Variants in MAD1L1 observed in about 807,000 individuals in gnomAD.
MAD1L1 encodes the protein mitotic arrest deficient 1 like 1, also known as mitotic spindle assembly checkpoint protein MAD1.
Under a neutral mutation model 96.9 loss-of-function variants are expected in MAD1L1, and 95 were observed. That is an observed-to-expected ratio of 0.98 (90% confidence interval 0.83 to 1.16). MAD1L1 has a LOEUF of 1.16. Among genes scored for constraint, MAD1L1 ranks in the 50% most tolerant of loss-of-function variants. MAD1L1 has a pLI of 0.00. For missense variants in MAD1L1, 1,007 were observed against 954.4 expected, an observed-to-expected ratio of 1.06 and a Z score of -0.73; for synonymous variants, 473 against 396.6, an observed-to-expected ratio of 1.19 and a Z score of -2.29.
chr7:1,836,180 C>T (rs1562439909), intron 18 of MAD1L1, among the ~76,000 whole-genome samples: 1 of 152,140 alleles, frequency 6.6e-6, no homozygotes, highest in Non-Finnish European at 1.5e-5. Flanking sequence ...CACCACCGTG[C>T]CCGGCTAATT....
At chr7:1,898,501 C>T (rs1787038471) in intron 17 of MAD1L1, 111 bp from the exon 18 acceptor site, 9 of 837,582 alleles carry the variant, frequency 1.1e-5, no homozygotes, top group East Asian at 7.9e-5. Context: ...GTGGCGGCTG[C>T]CCAGGGACAC....
rs139291070 is a variant in MAD1L1, at chr7:2,015,323, C to T, written c.1219-681G>A. The stretch of plus-strand genomic sequence containing the variant: ...CACAGAGCTCCCAGGATGTCGGAGG[C>T]CACACGCAGATCCCTACAGAGCAGC... On this transcript the variant is annotated intron_variant, in intron 12 of 18. Coordinates refer to ENST00000265854, the MANE Select transcript of MAD1L1 (RefSeq NM_001013836.2). Among the ~76,000 whole-genome samples, 245 of 152,314 alleles carry T rather than the reference C, an allele frequency of 1.6e-3. 1 individual carries two copies. The highest frequency in any genetic ancestry group is 5.7e-3 in the African/African-American group (236 of 41,572).
chr7:2,017,578 A>G (rs1370585366), intron 12 of MAD1L1, among the ~76,000 whole-genome samples: 1 of 152,186 alleles, frequency 6.6e-6, no homozygotes, highest in Non-Finnish European at 1.5e-5. Flanking sequence ...GGGAGGCTGC[A>G]GGAAGGATCT....
At chr7:2,211,216 C>A (rs1584560089) in intron 10 of MAD1L1, among the ~76,000 whole-genome samples, 1 of 152,168 alleles carries the variant, frequency 6.6e-6, no homozygotes, top group African/African-American at 2.4e-5. Context: ...CAGGGCCTGG[C>A]CACCAGGGAG....
At chr7:1,954,806 G>A (rs1233607694) in intron 16 of MAD1L1, among the ~76,000 whole-genome samples, 4 of 152,190 alleles carry the variant, frequency 2.6e-5, no homozygotes, top group Admixed American at 6.5e-5. Context: ...GCCACCGTCC[G>A]TGGGTGCCCC....
intron 17 of MAD1L1, among the ~76,000 whole-genome samples, chr7:1,933,266 G>T (rs73290512): frequency 2.6e-5 from 4 of 152,142 alleles, no homozygotes; most frequent in African/African-American, 9.7e-5. Flanking sequence ...CGTCTGCCAC[G>T]GTTTTCCCCA....
intron 3 of MAD1L1, among the ~76,000 whole-genome samples, chr7:2,229,695 A>C (rs1794094564): frequency 6.6e-6 from 1 of 152,208 alleles, no homozygotes; most frequent in South Asian, 2.1e-4. Flanking sequence ...TGGCTTTCCG[A>C]TCCTGTCACC....
chr7:2,113,579 C>T (rs1468072904), intron 11 of MAD1L1, among the ~76,000 whole-genome samples: 1 of 151,846 alleles, frequency 6.6e-6, no homozygotes, highest in African/African-American at 2.4e-5. Flanking sequence ...GACTCTATCT[C>T]AAAAAAATAA....
chr7:1,863,612 G>A (rs937998195), intron 18 of MAD1L1, among the ~76,000 whole-genome samples: 2 of 152,204 alleles, frequency 1.3e-5, no homozygotes, highest in Admixed American at 6.5e-5. Flanking sequence ...TGCAGAGACC[G>A]TCACCTGCCC....
intron 10 of MAD1L1, among the ~76,000 whole-genome samples, chr7:2,171,996 A>G (rs1790730103): frequency 6.6e-6 from 1 of 152,134 alleles, no homozygotes. Context: ...CGGCAATGCA[A>G]CACTGCTGTG....
At chr7:2,148,695 A>G (rs1434145761) in intron 11 of MAD1L1, 1 of 163,020 alleles carries the variant, frequency 6.1e-6, no homozygotes, top group African/African-American at 2.4e-5. Flanking sequence ...AGCCCTTGGG[A>G]CTTCCTGAGT....
chr7:2,141,479 G>C (rs1373646356), intron 11 of MAD1L1, among the ~76,000 whole-genome samples: 14 of 152,312 alleles, frequency 9.2e-5, no homozygotes, highest in Non-Finnish European at 2.1e-4. Context: ...CCCGGCATTG[G>C]CAGGATGGGC....
chr7:1,907,743 G>C (rs145446256), intron 17 of MAD1L1, among the ~76,000 whole-genome samples: 5 of 152,248 alleles, frequency 3.3e-5, no homozygotes, highest in African/African-American at 1.2e-4. Flanking sequence ...GCAATAACGT[G>C]TTCCTCTTAA....
At chr7:1,857,365 C>T (rs1005022727) in intron 18 of MAD1L1, among the ~76,000 whole-genome samples, 12 of 152,164 alleles carry the variant, frequency 7.9e-5, no homozygotes, top group South Asian at 2.1e-4. Flanking sequence ...GGCTGCCTGC[C>T]GGTGTCCTGG....
chr7:2,108,782 A>G (rs912161970), intron 11 of MAD1L1, among the ~76,000 whole-genome samples: 1 of 152,200 alleles, frequency 6.6e-6, no homozygotes, highest in Non-Finnish European at 1.5e-5. Context: ...GAAACGGCTC[A>G]GCCTCGAGCT....
intron 17 of MAD1L1, among the ~76,000 whole-genome samples, chr7:1,924,510 C>A (rs1788987537): frequency 6.6e-6 from 1 of 152,168 alleles, no homozygotes; most frequent in South Asian, 2.1e-4. Flanking sequence ...AGACAAGAAC[C>A]ACTCTCCCAG....
intron 12 of MAD1L1, among the ~76,000 whole-genome samples, chr7:2,068,960 A>G (rs1303124413): frequency 1.3e-5 from 2 of 152,120 alleles, no homozygotes; most frequent in Admixed American, 6.5e-5. Flanking sequence ...GGACACTGAG[A>G]TGCTGGAGGA....
intron 10 of MAD1L1, among the ~76,000 whole-genome samples, chr7:2,176,943 G>A (rs371271739): frequency 1.1e-4 from 16 of 152,200 alleles, no homozygotes; most frequent in East Asian, 3.8e-4. Context: ...TGAGCTGTGT[G>A]GCCAGGGTTG....
chr7:2,021,860 G>A (rs916027579), intron 12 of MAD1L1, among the ~76,000 whole-genome samples: 4 of 152,098 alleles, frequency 2.6e-5, no homozygotes, highest in African/African-American at 7.2e-5. Context: ...AGTGTGAGGT[G>A]GATTCTCCAG....
Sources: gnomAD v4.1 joint callset for allele counts (sites outside exome capture counted in the v4.1 genomes callset) on GRCh38, gnomAD v4.1.1 for gene constraint, MANE v1.5 for transcripts, NCBI Gene and HGNC (gene_info 2026-07-23, HGNC 2026-07-21) for gene names.